The following ROBO2 variants were observed in gnomAD, a reference collection of about 807,000 sequenced individuals.
The protein encoded by ROBO2 is roundabout homolog 2.
Under a neutral mutation model 160.8 loss-of-function variants are expected in ROBO2, and 53 were observed. The ratio of observed to expected loss-of-function variants is 0.33; its 90% CI spans 0.26 to 0.41. ROBO2 has a LOEUF of 0.41. ROBO2 is among the 10% of genes least tolerant of loss of function. The pLI is 1.00. For synonymous variants in ROBO2, 664 were observed against 611.7 expected (o/e 1.09, Z -1.26); for missense variants, 1,577 against 1,722.4 (o/e 0.92, Z 1.49).
chr3:77,517,324 A>G (rs1163034310), intron 5 of ROBO2, among the ~76,000 whole-genome samples: 3 of 151,538 alleles, frequency 2.0e-5, no homozygotes, highest in Admixed American at 6.6e-5. Context: ...CAAAAGTACT[A>G]CAAAGACACA....
chr3:76,645,572 C>T (rs2090924099), intron 2 of ROBO2, among the ~76,000 whole-genome samples: 1 of 152,074 alleles, frequency 6.6e-6, no homozygotes, highest in African/African-American at 2.4e-5. Flanking sequence ...AACTCTTAGT[C>T]TAGACAGAGA....
At chr3:77,305,448 C>CT (rs2063021438) in intron 2 of ROBO2, among the ~76,000 whole-genome samples, 1 of 152,182 alleles carries the variant, frequency 6.6e-6, no homozygotes, top group Non-Finnish European at 1.5e-5. Context: ...CATCAGCAAT[C>CT]TAAGCTGACA....
chr3:76,608,782 T>C (rs1578503576), intron 2 of ROBO2, among the ~76,000 whole-genome samples: 1 of 152,206 alleles, frequency 6.6e-6, no homozygotes, highest in East Asian at 1.9e-4. Flanking sequence ...CTTCTGCATA[T>C]GGATATCCAG....
chr3:76,955,297 A>T (rs1328813671), intron 2 of ROBO2, among the ~76,000 whole-genome samples: 1 of 152,148 alleles, frequency 6.6e-6, no homozygotes, highest in Non-Finnish European at 1.5e-5. Context: ...CCTCTTGGTT[A>T]CTATGAATAA....
rs575178495 is a variant in ROBO2, at chr3:77,322,664, A to G, written c.389-154750A>G. Among the ~76,000 whole-genome samples the G allele has an allele frequency of 3.3e-5, 5 of 149,918 alleles. No individual in the cohort carries two copies. The East Asian group carries it at 7.8e-4, about 23-fold the overall frequency. On this transcript the variant is annotated intron_variant, in intron 2 of 25. Transcript: ENST00000461745. ...TGGTTGGATGGACTATATTTTATAG[A>G]TATTTTCATTCTTGAATATTTTAGT...
chr3:76,770,282 G>A (rs2061809680), intron 2 of ROBO2, among the ~76,000 whole-genome samples: 1 of 151,238 alleles, frequency 6.6e-6, no homozygotes, highest in Non-Finnish European at 1.5e-5. Flanking sequence ...GTCTAGCTGT[G>A]CTCATAGTCT....
At chr3:77,576,653 T>C (rs959851914) in intron 14 of ROBO2, among the ~76,000 whole-genome samples, 2 of 152,080 alleles carry the variant, frequency 1.3e-5, no homozygotes, top group Non-Finnish European at 2.9e-5. Context: ...CTCAGTATGG[T>C]TGTAATTAGT....
chr3:77,423,432 A>G (rs2077894464), intron 2 of ROBO2, among the ~76,000 whole-genome samples: 2 of 152,228 alleles, frequency 1.3e-5, no homozygotes, highest in African/African-American at 4.8e-5. Flanking sequence ...ATAAACAATT[A>G]TTAAGGTTAT....
exon 11 of ROBO2, chr3:77,563,283 A>G (rs748763944): frequency 2.5e-6 from 4 of 1,613,530 alleles, no homozygotes. Flanking sequence ...GCAGCCAGGT[A>G]CCCCTGGAAC....
At chr3:76,097,600 GT>G (rs1264165803) in intron 2 of ROBO2, among the ~76,000 whole-genome samples, 2 of 152,160 alleles carry the variant, frequency 1.3e-5, no homozygotes. Context: ...AAGAGTGGAG[GT>G]TTAGTGGTGG....
At chr3:76,908,594 TTTAC>T (rs1442985117) in intron 2 of ROBO2, among the ~76,000 whole-genome samples, 1 of 152,164 alleles carries the variant, frequency 6.6e-6, no homozygotes, top group African/African-American at 2.4e-5. Flanking sequence ...CATCAAGCAA[TTTAC>T]TTAGATAATC....
chr3:77,007,156 A>C (rs866201445), intron 2 of ROBO2, among the ~76,000 whole-genome samples: 1 of 152,154 alleles, frequency 6.6e-6, no homozygotes, highest in Admixed American at 6.6e-5. Context: ...TCCAACTGGC[A>C]TCAAAGCCTG....
intron 2 of ROBO2, among the ~76,000 whole-genome samples, chr3:76,736,822 C>T (rs9824694): frequency 0.63 from 96,411 of 152,076 alleles, 30,587 homozygotes; most frequent in Admixed American, 0.67. Flanking sequence ...ATAAAATCAT[C>T]ACTACTTACT....
intron 2 of ROBO2, among the ~76,000 whole-genome samples, chr3:77,293,404 A>G (rs1233049027): frequency 2.0e-5 from 3 of 149,764 alleles, no homozygotes; most frequent in Non-Finnish European, 4.4e-5. Context: ...ACATAAAGTA[A>G]AATTGATGGT....
chr3:76,792,131 A>C (rs774592), intron 2 of ROBO2, among the ~76,000 whole-genome samples: 123,643 of 151,774 alleles, frequency 0.81, 50,531 homozygotes, highest in Admixed American at 0.85. Flanking sequence ...TTCAACCAAA[A>C]ATATTTTTTA....
chr3:75,959,447 A>G (rs1045287063), intron 2 of ROBO2, among the ~76,000 whole-genome samples: 1 of 151,794 alleles, frequency 6.6e-6, no homozygotes. Context: ...TTCCTAGTGC[A>G]GTACTCTTGG....
intron 2 of ROBO2, among the ~76,000 whole-genome samples, chr3:77,389,233 C>A (rs780695353): frequency 1.3e-4 from 20 of 152,180 alleles, no homozygotes; most frequent in Non-Finnish European, 2.9e-4. Context: ...TGTGAGCCAC[C>A]ACGCCAGGCC....
intron 2 of ROBO2, among the ~76,000 whole-genome samples, chr3:76,450,197 T>C (rs2077405558): frequency 6.6e-6 from 1 of 152,024 alleles, no homozygotes; most frequent in Admixed American, 6.6e-5. Flanking sequence ...CAAGCAAAAA[T>C]GGGTTCTGGA....
chr3:77,521,564 T>G (rs894212559), intron 5 of ROBO2, among the ~76,000 whole-genome samples: 1 of 151,364 alleles, frequency 6.6e-6, no homozygotes, highest in South Asian at 2.1e-4. Flanking sequence ...ACATATTTAA[T>G]AAGCAGAATT....
Sources: gnomAD v4.1 joint callset for allele counts (sites outside exome capture counted in the v4.1 genomes callset) on GRCh38, gnomAD v4.1.1 for gene constraint, MANE v1.5 for transcripts, NCBI Gene and HGNC (gene_info 2026-07-23, HGNC 2026-07-21) for gene names.